NRXN3: variants seen among roughly 807,000 people sequenced by gnomAD.
The protein encoded by NRXN3 is neurexin III.
In NRXN3, 32 loss-of-function variants were observed where a neutral mutation model predicts 137.6. The observed-to-expected ratio is 0.23, with a 90% CI of 0.18 to 0.31. NRXN3 has a LOEUF of 0.31. Ranked by LOEUF, NRXN3 falls within the 10% of genes least tolerant of loss-of-function variation. NRXN3 has a pLI of 1.00. For synonymous variants in NRXN3, 798 were observed against 784.5 expected (o/e 1.02, Z -0.29); for missense variants, 1,574 against 2,062.5 (o/e 0.76, Z 4.59).
chr14:79,602,003 G>A (rs1477704480), intron 16 of NRXN3, among the ~76,000 whole-genome samples: 2 of 152,142 alleles, frequency 1.3e-5, no homozygotes, highest in African/African-American at 4.8e-5. Flanking sequence ...TCCAGAAGTC[G>A]AGACTTTTAT....
chr14:79,858,019 T>A (rs958625608), intron 20 of NRXN3, among the ~76,000 whole-genome samples: 3 of 152,184 alleles, frequency 2.0e-5, no homozygotes, highest in African/African-American at 7.2e-5. Context: ...GGCATACCCA[T>A]CATTTTAGTT....
At chr14:79,154,783 A>T (rs896264820) in intron 15 of NRXN3, among the ~76,000 whole-genome samples, 1 of 152,050 alleles carries the variant, frequency 6.6e-6, no homozygotes, top group African/African-American at 2.4e-5. Flanking sequence ...TCATTAAACT[A>T]CTTGATAGTC....
At chr14:78,580,575 C>G (rs2096983788) in intron 4 of NRXN3, among the ~76,000 whole-genome samples, 1 of 152,304 alleles carries the variant, frequency 6.6e-6, no homozygotes, top group South Asian at 2.1e-4. Context: ...TCTGCACACA[C>G]AGGAGTTTAG....
chr14:78,697,758 C>T (rs958216246), intron 6 of NRXN3: 1 of 151,980 alleles, frequency 6.6e-6, no homozygotes, highest in Non-Finnish European at 1.5e-5. Context: ...GCATTTCTGT[C>T]TATATTATTG....
At chr14:79,604,878 A>G (rs559753603) in intron 16 of NRXN3, among the ~76,000 whole-genome samples, 3 of 152,006 alleles carry the variant, frequency 2.0e-5, no homozygotes, top group African/African-American at 7.2e-5. Flanking sequence ...CTAAAAATAT[A>G]AAAATTAGCT....
intron 15 of NRXN3, among the ~76,000 whole-genome samples, chr14:79,268,479 A>C (rs146276776): frequency 6.6e-6 from 1 of 152,208 alleles, no homozygotes; most frequent in African/African-American, 2.4e-5. Context: ...GCCACAGCAC[A>C]TTGGGCAACC....
At chr14:78,915,793 T>TTC (rs1328353956) in intron 10 of NRXN3, among the ~76,000 whole-genome samples, 2 of 152,032 alleles carry the variant, frequency 1.3e-5, no homozygotes, top group African/African-American at 4.8e-5. Flanking sequence ...CTTTTCAGTA[T>TTC]ATGAAAGCAG....
intron 15 of NRXN3, among the ~76,000 whole-genome samples, chr14:79,317,161 G>A (rs1374579058): frequency 6.6e-6 from 1 of 152,102 alleles, no homozygotes; most frequent in Non-Finnish European, 1.5e-5. Flanking sequence ...GAACCCGGGA[G>A]GTGGAGGTTG....
At chr14:79,723,197 A>G (rs913880130) in intron 19 of NRXN3, among the ~76,000 whole-genome samples, 2 of 152,146 alleles carry the variant, frequency 1.3e-5, no homozygotes, top group African/African-American at 4.8e-5. Flanking sequence ...CTAGATATAG[A>G]ACTTCATTTT....
At chr14:78,360,306 A>C (rs1336756642) in intron 4 of NRXN3, among the ~76,000 whole-genome samples, 1 of 152,072 alleles carries the variant, frequency 6.6e-6, no homozygotes. Flanking sequence ...TCACTGTTTA[A>C]AAAAAAATCT....
Position 79,023,708 on chromosome 14 carries a change from C to A in NRXN3, c.3262+35567C>A, listed in dbSNP as rs116068640. 4.2e-3 allele frequency among the ~76,000 whole-genome samples: 638 copies of A among 152,180 alleles called. 4 individuals are homozygous for A. Among genetic ancestry groups the A allele is most frequent in the African/African-American group, 0.014 (594 of 41,526 alleles). The stretch of plus-strand genomic sequence containing the variant: ...GGCGACAGGAAGGAGAAGTGCCGAG[C>A]AAAGGGGAAAGGCCCCTTAGAAAAC... On this transcript the variant is annotated intron_variant, in intron 15 of 20. Coordinates refer to ENST00000335750, the MANE Select transcript of NRXN3 (RefSeq NM_001330195.2).
rs113180351 is a variant in NRXN3, at chr14:79,653,291, T to C, written c.3445-10487T>C. Among the ~76,000 whole-genome samples, 26 of 152,288 alleles carry C rather than the reference T, an allele frequency of 1.7e-4. 1 individual carries two copies. Among genetic ancestry groups the C allele is most frequent in the African/African-American group, 6.0e-4 (25 of 41,572 alleles). ...CATTGGAGCCCTGGAGACTGAGATA[T>C]TCATTGGGCTGCAATGCTATTCTCT... On this transcript the variant is annotated intron_variant, in intron 16 of 20. Transcript: ENST00000335750.
Position 78,309,368 on chromosome 14 carries a change from G to A in NRXN3, c.757+11508G>A, listed in dbSNP as rs148294876. Among the ~76,000 whole-genome samples, 187 of 151,960 alleles carry A rather than the reference G, an allele frequency of 1.2e-3. 1 individual carries two copies. The highest frequency in any genetic ancestry group is 0.012 in the East Asian group (60 of 5,162). On this transcript the variant is annotated intron_variant, in intron 4 of 20. Coordinates refer to ENST00000335750, the MANE Select transcript of NRXN3 (RefSeq NM_001330195.2). ...TATACAGGTAAATTGTGTGCCATAG[G>A]GGTTTGGTATAAATTATTTTGTCAC... is the stretch of plus-strand genomic sequence containing the variant.
At chr14:78,719,381 G>T (rs1595131957) in intron 8 of NRXN3, among the ~76,000 whole-genome samples, 1 of 151,452 alleles carries the variant, frequency 6.6e-6, no homozygotes, top group Non-Finnish European at 1.5e-5. Flanking sequence ...TCCATTCGGG[G>T]CCTCCCTTTT....
chr14:78,882,446 C>A (rs1169710070), intron 10 of NRXN3, among the ~76,000 whole-genome samples: 1 of 151,794 alleles, frequency 6.6e-6, no homozygotes, highest in Non-Finnish European at 1.5e-5. Context: ...CAGTGCTGTC[C>A]AAGCCATGGG....
intron 4 of NRXN3, among the ~76,000 whole-genome samples, chr14:78,387,541 C>G (rs2090150236): frequency 6.6e-6 from 1 of 152,170 alleles, no homozygotes; most frequent in African/African-American, 2.4e-5. Context: ...AGCATTGCTA[C>G]ATGTGAAGTG....
intron 19 of NRXN3, among the ~76,000 whole-genome samples, chr14:79,708,902 T>G (rs886941034): frequency 6.6e-6 from 1 of 152,152 alleles, no homozygotes; most frequent in Non-Finnish European, 1.5e-5. Flanking sequence ...AGAGAATTAC[T>G]TGATGGGAAT....
chr14:78,286,472 T>C (rs944440544), intron 3 of NRXN3, among the ~76,000 whole-genome samples: 1 of 152,132 alleles, frequency 6.6e-6, no homozygotes, highest in Non-Finnish European at 1.5e-5. Flanking sequence ...CCTCCCAGTC[T>C]GCAGACCTGC....
chr14:78,633,251 C>CAAAAAAAAAAAAAAAAAAAA (rs779442429), intron 4 of NRXN3, among the ~76,000 whole-genome samples: 4 of 68,046 alleles, frequency 5.9e-5, no homozygotes, highest in African/African-American at 2.8e-4. Context: ...GAGACTCTGT[C>CAAAAAAAAAAAAAAAAAAAA]AAAAAAAAAA....
Sources: allele counts gnomAD v4.1 joint callset (sites outside exome capture counted in the v4.1 genomes callset), GRCh38; gene constraint gnomAD v4.1.1; transcripts MANE v1.5; gene names NCBI Gene and HGNC (gene_info 2026-07-23, HGNC 2026-07-21).